The following MORC1 variants were observed in gnomAD, a reference collection of about 807,000 sequenced individuals.
The protein encoded by MORC1 is MORC family CW-type zinc finger protein 1.
Under a neutral mutation model 134.9 loss-of-function variants are expected in MORC1, and 59 were observed. That is an observed-to-expected ratio of 0.44 (90% CI 0.35 to 0.54). The LOEUF is 0.54. MORC1 is among the 20% of genes least tolerant of loss of function. The pLI is 0.00. For synonymous variants in MORC1, 395 were observed against 391.7 expected (o/e 1.01, Z -0.10); for missense variants, 947 against 1,134.5 (o/e 0.83, Z 2.37).
At chr3:109,032,861 C>G in intron 15 of MORC1, 36 bp from the exon 16 acceptor site, 1 of 1,307,702 alleles carries the variant, frequency 7.6e-7, no homozygotes, top group South Asian at 1.2e-5. Flanking sequence ...GAAAAGAGAT[C>G]AGAAATGAAT....
intron 23 of MORC1, among the ~76,000 whole-genome samples, chr3:108,982,553 G>A (rs1242055405): frequency 1.6e-4 from 19 of 117,330 alleles, no homozygotes; most frequent in Non-Finnish European, 3.1e-4. Flanking sequence ...ACAGGGTGGG[G>A]AACATCACAC....
At chr3:109,061,420 A>G (rs1201777573) in intron 11 of MORC1, among the ~76,000 whole-genome samples, 1 of 152,176 alleles carries the variant, frequency 6.6e-6, no homozygotes, top group East Asian at 1.9e-4. Context: ...ACTCATGGGC[A>G]TATTGTTAAG....
chr3:109,049,479 T>C (rs1457937124), intron 14 of MORC1, among the ~76,000 whole-genome samples: 1 of 151,976 alleles, frequency 6.6e-6, no homozygotes, highest in Non-Finnish European at 1.5e-5. Context: ...ATAGAGAAAA[T>C]ACTAGCCAGA....
chr3:109,107,916 C>T (rs921349997), intron 3 of MORC1, among the ~76,000 whole-genome samples: 3 of 152,156 alleles, frequency 2.0e-5, no homozygotes, highest in Non-Finnish European at 4.4e-5. Context: ...TAAGTGCCAG[C>T]CATGCCTGGT....
rs1946996015 is a variant in MORC1, at chr3:108,958,580, A to G, written c.*385T>C. 1 of 152,936 alleles carries G rather than the reference A, an allele frequency of 6.5e-6. No individual in the cohort carries two copies. The highest frequency in any genetic ancestry group is 6.6e-5 in the Admixed American group (1 of 15,258). 9.5% of individuals were successfully genotyped at this position (152,936 alleles called of 1,614,324 possible). ...AGGAGGTGATTCTGTAGTCCTTCAC[A>G]TATCGATTTTGAAAAAATCTGCTTT... On this transcript the variant is annotated 3_prime_UTR_variant, in exon 28 of 28. Coordinates refer to ENST00000232603, the MANE Select transcript of MORC1 (RefSeq NM_014429.4).
chr3:108,980,239 G>A (rs1174215480), intron 23 of MORC1, among the ~76,000 whole-genome samples: 1 of 152,080 alleles, frequency 6.6e-6, no homozygotes, highest in African/African-American at 2.4e-5. Flanking sequence ...TAGAGGGCAA[G>A]TTCATGTAAC....
At chr3:109,100,843 T>C (rs1000098824) in intron 4 of MORC1, among the ~76,000 whole-genome samples, 1 of 152,192 alleles carries the variant, frequency 6.6e-6, no homozygotes, top group Non-Finnish European at 1.5e-5. Context: ...AACTATTTAA[T>C]AGCATTTACA....
intron 14 of MORC1, among the ~76,000 whole-genome samples, chr3:109,038,594 C>T (rs966097785): frequency 3.9e-5 from 6 of 151,962 alleles, no homozygotes; most frequent in South Asian, 2.1e-4. Flanking sequence ...GTCTTTAATC[C>T]ATCTTGAGTT....
intron 8 of MORC1, among the ~76,000 whole-genome samples, chr3:109,086,716 A>C (rs1479206279): frequency 1.3e-5 from 2 of 152,084 alleles, no homozygotes; most frequent in African/African-American, 4.8e-5. Flanking sequence ...ACCAACAGAG[A>C]AGTACTGATG....
chr3:109,062,422 CTT>C (rs757502962), intron 10 of MORC1, among the ~76,000 whole-genome samples: 39 of 138,932 alleles, frequency 2.8e-4, no homozygotes, highest in Admixed American at 5.8e-4. Context: ...GAACATCCTT[CTT>C]TTTTTTTTTT....
In MORC1 at chr3:109,026,867, A is replaced by C. The variant is rs188254780; in HGVS notation, c.1704+884T>G. 3.3e-5 allele frequency among the ~76,000 whole-genome samples: 5 copies of C among 152,288 alleles called. No individual in the cohort carries two copies. In the East Asian group the frequency reaches 7.7e-4, roughly 24 times the overall value. On this transcript the variant is annotated intron_variant, in intron 17 of 27. Transcript: ENST00000232603. ...AAGAGAGACCCTAAGACTCCAGGGTAAAAAGGAAAGCTCTGGTTTCTTTGG... is the reference window on the plus strand; with the variant it reads ...AAGAGAGACCCTAAGACTCCAGGGTCAAAAGGAAAGCTCTGGTTTCTTTGG...
intron 8 of MORC1, among the ~76,000 whole-genome samples, chr3:109,076,728 C>G (rs1036256977): frequency 2.6e-5 from 4 of 152,052 alleles, no homozygotes; most frequent in Middle Eastern, 3.2e-3. Flanking sequence ...AACACAGAAA[C>G]AGAAAACCAA....
chr3:109,114,210 AATT>A (rs768991603), intron 2 of MORC1, among the ~76,000 whole-genome samples, 171 bp downstream of exon 2: 14 of 152,234 alleles, frequency 9.2e-5, no homozygotes, highest in Non-Finnish European at 1.8e-4. Flanking sequence ...AAAGGTGAAT[AATT>A]ATTTCTCTCA....
intron 17 of MORC1, among the ~76,000 whole-genome samples, chr3:109,020,767 A>AAAAAAAAAAACAC (rs1948940344): frequency 6.6e-6 from 1 of 151,480 alleles, no homozygotes; most frequent in Non-Finnish European, 1.5e-5. Context: ...TCTGTCTCAA[A>AAAAAAAAAAACAC]AAAAAAAAAG....
Position 108,971,356 on chromosome 3 carries a change from A to T in MORC1, c.2524T>A (p.Leu842Met), listed in dbSNP as rs1229053606. The part of the protein sequence containing the change: ...FFPEHQLPSE[L>M]EEPALSCELE... ...TCACAACTTAATGCAGGTTCTTCCA[A>T]TTCTGATGGTAGCTGATGCTCAGGA... The change falls in exon 25 of 28, where the codon TTG becomes ATG. Residue 842 changes from leucine (L) to methionine (M), a missense_variant. Coordinates refer to ENST00000232603, the MANE Select transcript of MORC1 (RefSeq NM_014429.4). 6.2e-7 allele frequency: 1 copy of T among 1,613,676 alleles called. No homozygotes were observed. Among genetic ancestry groups the T allele is most frequent in the Non-Finnish European group, 8.5e-7 (1 of 1,179,730 alleles).
intron 17 of MORC1, 113 bp from the exon 18 acceptor site, chr3:109,007,204 C>A: frequency 1.4e-6 from 1 of 728,084 alleles, no homozygotes; most frequent in Non-Finnish European, 2.3e-6. Context: ...GATAGCAAAC[C>A]CTCATGAATA....
intron 14 of MORC1, among the ~76,000 whole-genome samples, chr3:109,045,987 A>AC (rs1949685813): frequency 1.3e-5 from 2 of 151,994 alleles, no homozygotes; most frequent in African/African-American, 4.8e-5. Flanking sequence ...AACTTTTAGA[A>AC]CCCCCACCCT....
chr3:109,070,555 G>A (rs1203918854), intron 8 of MORC1, among the ~76,000 whole-genome samples: 2 of 152,182 alleles, frequency 1.3e-5, no homozygotes, highest in African/African-American at 2.4e-5. Flanking sequence ...CTGAAGAAGC[G>A]ATGCTCTTTA....
chr3:108,963,711 G>T (rs936476162), intron 26 of MORC1, 103 bp from the exon 27 acceptor site: 2 of 778,930 alleles, frequency 2.6e-6, no homozygotes, highest in South Asian at 4.1e-5. Context: ...CATGTACCAA[G>T]TGTCAACTTC....
Sources: allele counts gnomAD v4.1 joint callset (sites outside exome capture counted in the v4.1 genomes callset), GRCh38; gene constraint gnomAD v4.1.1; transcripts MANE v1.5; gene names NCBI Gene and HGNC (gene_info 2026-07-23, HGNC 2026-07-21).